The following XRCC5 variants were observed in gnomAD, a reference collection of about 807,000 sequenced individuals.
The protein encoded by XRCC5 is X-ray repair cross complementing 5.
A neutral mutation model predicts 95.7 loss-of-function variants in XRCC5; 12 were observed. The ratio of observed to expected loss-of-function variants is 0.13; its 90% confidence interval spans 0.08 to 0.20. XRCC5 has a LOEUF of 0.20. Ranked by LOEUF, XRCC5 falls within the 10% of genes least tolerant of loss-of-function variation. XRCC5 has a pLI of 1.00. For synonymous variants in XRCC5, 281 were observed against 290.3 expected (o/e 0.97, Z 0.33); for missense variants, 595 against 873.9 (o/e 0.68, Z 4.02).
At chr2:216,177,447 G>A (rs1162012945) in intron 16 of XRCC5, among the ~76,000 whole-genome samples, 2 of 152,112 alleles carry the variant, frequency 1.3e-5, no homozygotes, top group East Asian at 3.8e-4. Context: ...AAGTCTTCAG[G>A]TATTGGCATT....
intron 5 of XRCC5, among the ~76,000 whole-genome samples, chr2:216,121,542 C>A (rs1448243464): frequency 6.6e-6 from 1 of 152,098 alleles, no homozygotes; most frequent in Non-Finnish European, 1.5e-5. Flanking sequence ...TGGCAAAAAG[C>A]CTCTCCCTTC....
Position 216,206,204 on chromosome 2 carries a change from C to T in XRCC5, c.*1002C>T, listed in dbSNP as rs774023732. ...GTACAGACTTCTTGGTACCCAGTCA[C>T]CTCTGTCTTCAGCACCCTCATAAGT... On this transcript the variant is annotated 3_prime_UTR_variant, in exon 21 of 21. Coordinates refer to ENST00000392132, the MANE Select transcript of XRCC5 (RefSeq NM_021141.4). 6.6e-6 allele frequency: 1 copy of T among 152,150 alleles called. No homozygotes were observed. The highest frequency in any genetic ancestry group is 1.5e-5 in the Non-Finnish European group (1 of 68,032). The allele number at this position is 152,150 out of a possible 1,614,324, so 9.4% of individuals were successfully genotyped here. A position where few individuals can be genotyped will look rare whatever the true frequency, so the allele number is the denominator to read the frequency against.
chr2:216,204,450 T>C (rs1689904044), intron 20 of XRCC5, 54 bp downstream of exon 20: 3 of 1,585,040 alleles, frequency 1.9e-6, no homozygotes. Context: ...ACCTGAGCTG[T>C]AAATACAGCC....
At chr2:216,148,016 A>G in intron 13 of XRCC5, 67 bp from the exon 14 acceptor site, 1 of 1,511,304 alleles carries the variant, frequency 6.6e-7, no homozygotes, top group Non-Finnish European at 9.0e-7. Context: ...AGGATCCCTG[A>G]TCAGAAAATA....
At chr2:216,152,996 A>G (rs1688773368) in intron 14 of XRCC5, among the ~76,000 whole-genome samples, 1 of 152,068 alleles carries the variant, frequency 6.6e-6, no homozygotes, top group Non-Finnish European at 1.5e-5. Context: ...TTAACACAAA[A>G]TAGTCCCCCT....
intron 14 of XRCC5, among the ~76,000 whole-genome samples, chr2:216,153,213 C>T (rs1330743278): frequency 6.6e-6 from 1 of 152,198 alleles, no homozygotes; most frequent in Non-Finnish European, 1.5e-5. Flanking sequence ...TGGTTCTTTG[C>T]TTTCTTGACC....
chr2:216,179,664 A>G (rs1689345879), intron 16 of XRCC5, among the ~76,000 whole-genome samples: 1 of 152,174 alleles, frequency 6.6e-6, no homozygotes, highest in South Asian at 2.1e-4. Context: ...CAAGATGACT[A>G]TGCTTGGCTA....
intron 16 of XRCC5, chr2:216,175,536 C>T (rs1689255872): frequency 4.7e-6 from 2 of 428,846 alleles, no homozygotes; most frequent in Admixed American, 5.5e-5. Flanking sequence ...TAAAAGTGCA[C>T]ATTCTCTCTT....
chr2:216,199,837 C>A (rs1689803712), intron 19 of XRCC5, among the ~76,000 whole-genome samples: 1 of 103,488 alleles, frequency 9.7e-6, no homozygotes, highest in Non-Finnish European at 2.0e-5. Context: ...TTTTTTTTAC[C>A]AGATTCCAAG....
intron 16 of XRCC5, among the ~76,000 whole-genome samples, chr2:216,188,288 C>T (rs1256536284): frequency 6.6e-6 from 1 of 152,168 alleles, no homozygotes; most frequent in Non-Finnish European, 1.5e-5. Flanking sequence ...TAATATATTT[C>T]CTTAAAACTC....
chr2:216,135,554 T>A (rs747110448), intron 10 of XRCC5, among the ~76,000 whole-genome samples: 2 of 152,046 alleles, frequency 1.3e-5, no homozygotes, highest in Non-Finnish European at 2.9e-5. Flanking sequence ...GCCCAGCACT[T>A]TGAGAGGCCA....
At chr2:216,172,402 T>A (rs1053819310) in intron 16 of XRCC5, among the ~76,000 whole-genome samples, 1 of 151,536 alleles carries the variant, frequency 6.6e-6, no homozygotes, top group African/African-American at 2.4e-5. Flanking sequence ...TGTTCTTTTC[T>A]AAAAATGTTT....
At chr2:216,117,878 C>G in intron 4 of XRCC5, 84 bp downstream of exon 4, 2 of 1,347,238 alleles carry the variant, frequency 1.5e-6, no homozygotes, top group South Asian at 2.4e-5. Flanking sequence ...TTTTGTGATT[C>G]ATTGTTAATC....
rs1689931147 is a variant in XRCC5 at position 216,205,801 on chromosome 2, T to C, written c.*599T>C. ...GCCTCTGTATATAGGTGGTTTTCTT[T>C]AAGTGGGGTGGGAAGGGGAGCACAA... is the stretch of plus-strand genomic sequence containing the variant. On this transcript the variant is annotated 3_prime_UTR_variant, in exon 21 of 21. Transcript: ENST00000392132. The C allele has an allele frequency of 6.6e-6, 1 of 152,312 alleles. No individual in the cohort carries two copies. The highest frequency in any genetic ancestry group is 2.4e-5 in the African/African-American group (1 of 41,446). The allele number at this position is 152,312 out of a possible 1,614,324, so 9.4% of individuals were successfully genotyped here. A position where few individuals can be genotyped will look rare whatever the true frequency, so the allele number is the denominator to read the frequency against.
rs191433350 is a variant in XRCC5 at position 216,162,073 on chromosome 2, G to A, written c.1834+25G>A. On this transcript the variant is annotated intron_variant, in intron 16 of 20. Transcript: ENST00000392132. Reference sequence around the variant, plus strand: ...GGTGAGTGGTTGACTTTGCATTTAGGAGAAGCTGTTTAGTTAAGCTAACTA... The same window carrying A: ...GGTGAGTGGTTGACTTTGCATTTAGAAGAAGCTGTTTAGTTAAGCTAACTA... The A allele has an allele frequency of 3.1e-5, 50 of 1,605,328 alleles. No homozygotes were observed. The Middle Eastern group carries it at 6.6e-4, about 21-fold the overall frequency.
At chr2:216,121,956 A>T in intron 5 of XRCC5, 106 bp from the exon 6 acceptor site, 1 of 1,032,892 alleles carries the variant, frequency 9.7e-7, no homozygotes, top group Non-Finnish European at 1.3e-6. Context: ...TTGACAGATG[A>T]GAAATTTGAA....
At chr2:216,186,734 G>A (rs12473722) in intron 16 of XRCC5, among the ~76,000 whole-genome samples, 1,622 of 152,172 alleles carry the variant, frequency 0.011, 19 homozygotes, top group African/African-American at 0.037. Flanking sequence ...TTATAATTGG[G>A]GCTGTGATTT....
At chr2:216,178,764 G>T (rs1334714750) in intron 16 of XRCC5, among the ~76,000 whole-genome samples, 2 of 152,116 alleles carry the variant, frequency 1.3e-5, no homozygotes, top group African/African-American at 4.8e-5. Flanking sequence ...GGGAGGGAGG[G>T]GATAAAAGAG....
Position 216,124,856 on chromosome 2 carries a change from T to C in XRCC5, c.684-1061T>C, listed in dbSNP as rs555609141. ...CACAAATTCCACCTATCTCCTATCA[T>C]CTTCCCTGTTGTGTTTGATTATGGG... is the stretch of plus-strand genomic sequence containing the variant. On this transcript the variant is annotated intron_variant, in intron 6 of 20. Transcript: ENST00000392132. Among the ~76,000 whole-genome samples the C allele has an allele frequency of 3.9e-5, 6 of 152,344 alleles. No homozygotes were observed. The South Asian group carries it at 1.2e-3, about 32-fold the overall frequency.
Sources: allele counts gnomAD v4.1 joint callset (sites outside exome capture counted in the v4.1 genomes callset), GRCh38; gene constraint gnomAD v4.1.1; transcripts MANE v1.5; gene names NCBI Gene and HGNC (gene_info 2026-07-23, HGNC 2026-07-21).